The following MED27 variants were observed in gnomAD, a reference collection of about 807,000 sequenced individuals.
MED27 encodes the protein mediator of RNA polymerase II transcription subunit 27.
In MED27, 30 loss-of-function variants were observed where a neutral mutation model predicts 38.2. The ratio of observed to expected loss-of-function variants is 0.79; its 90% CI spans 0.59 to 1.07. The LOEUF is 1.07. Among genes scored for constraint, MED27 ranks in the 50% least tolerant of loss-of-function variants. The pLI is 0.00. For synonymous variants in MED27, 122 were observed against 153.5 expected (o/e 0.79, Z 1.52); for missense variants, 289 against 397.5 (o/e 0.73, Z 2.32).
At chr9:132,007,554 T>C (rs181011187) in intron 3 of MED27, among the ~76,000 whole-genome samples, 37 of 151,752 alleles carry the variant, frequency 2.4e-4, no homozygotes, top group Non-Finnish European at 5.0e-4. Flanking sequence ...GGGAGAGAAA[T>C]TGGAGACAAG....
intron 2 of MED27, 56 bp downstream of exon 2, chr9:132,077,386 A>G (rs1834075561): frequency 2.0e-6 from 3 of 1,514,156 alleles, no homozygotes. Context: ...GCATGTATGG[A>G]ATATAAGAAA....
intron 3 of MED27, among the ~76,000 whole-genome samples, chr9:131,940,106 C>T (rs1164900977): frequency 6.6e-6 from 1 of 151,814 alleles, no homozygotes; most frequent in African/African-American, 2.4e-5. Context: ...GGGGTGTCAC[C>T]ATATTGGCCA....
intron 2 of MED27, among the ~76,000 whole-genome samples, chr9:132,074,370 G>C (rs559271590): frequency 6.6e-6 from 1 of 152,274 alleles, no homozygotes; most frequent in East Asian, 1.9e-4. Context: ...GCATGAACGA[G>C]ACTTTTCTAT....
intron 6 of MED27, among the ~76,000 whole-genome samples, chr9:131,866,135 G>C (rs1172253163): frequency 1.3e-5 from 2 of 152,156 alleles, no homozygotes; most frequent in Non-Finnish European, 2.9e-5. Context: ...TCCCCAGCCT[G>C]CTGTTCCCTG....
At chr9:132,066,299 C>A (rs556510081) in intron 2 of MED27, among the ~76,000 whole-genome samples, 39 of 152,328 alleles carry the variant, frequency 2.6e-4, no homozygotes, top group African/African-American at 8.4e-4. Flanking sequence ...GCATTCCAGG[C>A]GGAGGCATGG....
chr9:132,075,143 G>A (rs1344426044), intron 2 of MED27, among the ~76,000 whole-genome samples: 3 of 152,124 alleles, frequency 2.0e-5, no homozygotes, highest in Non-Finnish European at 2.9e-5. Context: ...GCAAGTAAAC[G>A]GGGAAAAAAA....
intron 4 of MED27, among the ~76,000 whole-genome samples, chr9:131,929,852 T>C (rs1830549796): frequency 6.6e-6 from 1 of 152,226 alleles, no homozygotes; most frequent in African/African-American, 2.4e-5. Flanking sequence ...CCTGGCTGGC[T>C]TCCCCATCTG....
rs1589165284 is a variant in MED27 at position 131,860,764 on chromosome 9, T to G, written c.802-92A>C. On this transcript the variant is annotated intron_variant, in intron 7 of 7. Transcript: ENST00000292035. This position sits in a 1 kb window ranked among gnomAD's most constrained non-coding sequence, Gnocchi z 5.8. The stretch of plus-strand genomic sequence containing the variant: ...ATCAAGCCTAATGGCCCAGACAACT[T>G]AAGTTGGCTTTGGCCCCAGAAGATG... 1 of 1,467,474 alleles carries G rather than the reference T, an allele frequency of 6.8e-7. No individual in the cohort carries two copies. Among genetic ancestry groups the G allele is most frequent in the Admixed American group, 2.1e-5 (1 of 47,864 alleles). The allele number at this position is 1,467,474 out of a possible 1,614,324, so 90.9% of individuals were successfully genotyped here.
chr9:132,073,899 C>T (rs932234119), intron 2 of MED27, among the ~76,000 whole-genome samples: 1 of 152,088 alleles, frequency 6.6e-6, no homozygotes, highest in Admixed American at 6.5e-5. Context: ...TCTGCTTTTC[C>T]AGGCAAATAT....
chr9:132,067,857 A>G (rs925898203), intron 2 of MED27, among the ~76,000 whole-genome samples: 7 of 150,136 alleles, frequency 4.7e-5, no homozygotes, highest in African/African-American at 7.3e-5. Flanking sequence ...GACTATAGGC[A>G]CCCGCCACTA....
intron 2 of MED27, among the ~76,000 whole-genome samples, chr9:132,018,519 AATATTC>A (rs2131082658): frequency 6.6e-6 from 1 of 152,298 alleles, no homozygotes; most frequent in African/African-American, 2.4e-5. Flanking sequence ...CCCGCCCCAA[AATATTC>A]ATAGGTTAAT....
intron 6 of MED27, among the ~76,000 whole-genome samples, chr9:131,869,835 G>A (rs1432458864): frequency 6.6e-6 from 1 of 152,178 alleles, no homozygotes; most frequent in East Asian, 1.9e-4. Context: ...CGTCTCAATG[G>A]TGACCTGCAG....
chr9:132,079,496 C>A, intron 1 of MED27, 146 bp downstream of exon 1: 1 of 725,368 alleles, frequency 1.4e-6, no homozygotes. Flanking sequence ...CCCTGAGGGA[C>A]AGGCAGAGGC....
intron 4 of MED27, among the ~76,000 whole-genome samples, chr9:131,921,982 T>G (rs1471493484): frequency 7.7e-6 from 1 of 129,360 alleles, no homozygotes; most frequent in Non-Finnish European, 1.5e-5. Context: ...ATGAGAACAC[T>G]TGGACACAGG....
intron 1 of MED27, among the ~76,000 whole-genome samples, chr9:132,077,943 A>C (rs1445481218): frequency 3.9e-5 from 6 of 152,238 alleles, no homozygotes; most frequent in African/African-American, 1.4e-4. Context: ...TCTCACTAAG[A>C]GTTTTCAGAC....
intron 6 of MED27, among the ~76,000 whole-genome samples, chr9:131,881,786 TC>T (rs1428127176): frequency 3.9e-5 from 5 of 127,570 alleles, no homozygotes; most frequent in Admixed American, 1.6e-4. Flanking sequence ...CTCCCTCCCT[TC>T]CTTCTTCTTC....
chr9:131,943,796 G>C (rs979079845), intron 3 of MED27, among the ~76,000 whole-genome samples: 1 of 152,190 alleles, frequency 6.6e-6, no homozygotes, highest in Non-Finnish European at 1.5e-5. Context: ...TTTCGAAAAT[G>C]GAGAGCTGCT....
At chr9:131,944,125 T>C (rs1031306913) in intron 3 of MED27, among the ~76,000 whole-genome samples, 7 of 152,176 alleles carry the variant, frequency 4.6e-5, no homozygotes, top group Non-Finnish European at 8.8e-5. Flanking sequence ...CATTTTCAAA[T>C]GGCGAAAATG....
chr9:132,037,188 C>G (rs1343523951), intron 2 of MED27, among the ~76,000 whole-genome samples: 1 of 152,162 alleles, frequency 6.6e-6, no homozygotes, highest in South Asian at 2.1e-4. Context: ...CTCACAGACC[C>G]CTCCGTTTAT....
Sources: allele counts gnomAD v4.1 joint callset (sites outside exome capture counted in the v4.1 genomes callset), GRCh38; gene constraint gnomAD v4.1.1; non-coding constraint Gnocchi (gnomAD v3.1); transcripts MANE v1.5; gene names NCBI Gene and HGNC (gene_info 2026-07-23, HGNC 2026-07-21).